CCDC18: variants seen among roughly 807,000 people sequenced by gnomAD.
The protein encoded by CCDC18 is coiled-coil domain containing 18, also known as coiled-coil domain-containing protein 18.
In CCDC18, 157 loss-of-function variants were observed where a neutral mutation model predicts 196.0. That is an observed-to-expected ratio of 0.80 (90% CI 0.70 to 0.91). CCDC18 has a LOEUF of 0.91. Ranked by LOEUF, CCDC18 falls within the 40% of genes least tolerant of loss-of-function variation. The probability of loss-of-function intolerance (pLI) is 0.00; values close to 1 mark genes in which losing one functional copy is unlikely to be tolerated. For synonymous variants in CCDC18, 482 were observed against 529.2 expected, an observed-to-expected ratio of 0.91 and a Z score of 1.22; for missense variants, 1,465 against 1,611.6, an observed-to-expected ratio of 0.91 and a Z score of 1.56.
At chr1:93,186,906 C>T (rs1051215763) in intron 4 of CCDC18, among the ~76,000 whole-genome samples, 2 of 151,924 alleles carry the variant, frequency 1.3e-5, no homozygotes, top group African/African-American at 4.8e-5. Context: ...CAGTTTAATA[C>T]GTAGTTGAAT....
intron 9 of CCDC18, among the ~76,000 whole-genome samples, chr1:93,207,881 C>T (rs760138340): frequency 6.6e-6 from 1 of 152,154 alleles, no homozygotes; most frequent in Non-Finnish European, 1.5e-5. Flanking sequence ...TAAATGAACT[C>T]GTATAATATG....
intron 27 of CCDC18, among the ~76,000 whole-genome samples, chr1:93,266,017 C>A (rs1212760584): frequency 6.6e-6 from 1 of 152,138 alleles, no homozygotes; most frequent in East Asian, 1.9e-4. Flanking sequence ...AATCACACTT[C>A]TGCCAAAATT....
In CCDC18 at chr1:93,191,039, A is replaced by T; in HGVS notation, c.463-961A>T. 2.2e-6 allele frequency: 2 copies of T among 889,200 alleles called. 1 individual carries two copies. 55.1% of individuals were successfully genotyped at this position (889,200 alleles called of 1,614,324 possible). The stretch of plus-strand genomic sequence containing the variant: ...CCACACTTCTTACAGAAAGTCCTGC[A>T]GGTTTTAGGAATGTTCACCATGTTT... On this transcript the variant is annotated intron_variant, in intron 4 of 28. Coordinates refer to ENST00000690025, the MANE Select transcript of CCDC18 (RefSeq NM_001378204.1).
In CCDC18 at chr1:93,214,806, G is replaced by C. The variant is rs765765332; in HGVS notation, c.1559G>C (p.Arg520Thr). 2 of 1,613,404 alleles carry C rather than the reference G, an allele frequency of 1.2e-6. No homozygotes were observed. The highest frequency in any genetic ancestry group is 4.5e-5 in the East Asian group (2 of 44,778). Residue 520 changes from arginine (R) to threonine (T), a missense_variant, in exon 12 of 29, where the codon AGA (arginine) becomes ACA (threonine). By Grantham distance (71) the Arg-to-Thr change is moderately conservative. Transcript: ENST00000690025. ...MNKQYEKERQ[R>T]LVTGIEELRT... is the part of the protein sequence containing the mutation. ...AAGCAATATGAAAAAGAGAGGCAAA[G>C]ACTTGTTACTGGAATAGAAGAACTA...
intron 4 of CCDC18, among the ~76,000 whole-genome samples, chr1:93,187,278 T>C (rs1038044778): frequency 1.1e-4 from 17 of 152,156 alleles, no homozygotes; most frequent in Admixed American, 9.8e-4. Context: ...TTATAAGGTT[T>C]AAATGATATA....
chr1:93,198,020 G>T (rs988698820), intron 6 of CCDC18, among the ~76,000 whole-genome samples: 1 of 151,688 alleles, frequency 6.6e-6, no homozygotes, highest in Non-Finnish European at 1.5e-5. Context: ...CAAAGTGCTG[G>T]GATTACAGGT....
At chr1:93,267,100 T>C (rs370461789) in intron 27 of CCDC18, among the ~76,000 whole-genome samples, 1 of 152,152 alleles carries the variant, frequency 6.6e-6, no homozygotes, top group African/African-American at 2.4e-5. Context: ...TCCACCACAA[T>C]TAAGTTGGCT....
At chr1:93,188,999 T>A (rs541794911) in intron 4 of CCDC18, among the ~76,000 whole-genome samples, 4 of 152,326 alleles carry the variant, frequency 2.6e-5, no homozygotes, top group African/African-American at 7.2e-5. Flanking sequence ...CTCTTAGTTA[T>A]TTTTAAATGT....
At chr1:93,251,575 TG>T (rs1211144338) in intron 23 of CCDC18, among the ~76,000 whole-genome samples, 111 of 152,282 alleles carry the variant, frequency 7.3e-4, no homozygotes, top group African/African-American at 2.5e-3. Context: ...AGGTTTTTTT[TG>T]TTCAACACTG....
chr1:93,240,850 C>G (rs184654153), intron 21 of CCDC18, among the ~76,000 whole-genome samples: 1 of 152,334 alleles, frequency 6.6e-6, no homozygotes, highest in African/African-American at 2.4e-5. Flanking sequence ...CTTCTCCTAA[C>G]TCAGTATCAT....
intron 21 of CCDC18, among the ~76,000 whole-genome samples, chr1:93,242,731 G>A (rs1277100480): frequency 6.6e-6 from 1 of 152,210 alleles, no homozygotes; most frequent in African/African-American, 2.4e-5. Flanking sequence ...TACAGACATT[G>A]GGTAAATACA....
chr1:93,272,584 AT>A (rs1665365195), intron 28 of CCDC18, among the ~76,000 whole-genome samples: 1 of 152,224 alleles, frequency 6.6e-6, no homozygotes, highest in Non-Finnish European at 1.5e-5. Flanking sequence ...GTGAAGGTTG[AT>A]TATTGACTAT....
chr1:93,207,787 A>G (rs1654946480), intron 9 of CCDC18, among the ~76,000 whole-genome samples: 1 of 152,156 alleles, frequency 6.6e-6, no homozygotes, highest in Admixed American at 6.5e-5. Flanking sequence ...CCCATTTATA[A>G]TTAGTCCCTG....
intron 28 of CCDC18, among the ~76,000 whole-genome samples, chr1:93,275,539 CTT>C (rs1480085787): frequency 4.6e-5 from 7 of 152,110 alleles, no homozygotes; most frequent in Non-Finnish European, 8.8e-5. Context: ...TTTTAAAACT[CTT>C]TTAAACCAAA....
intron 12 of CCDC18, among the ~76,000 whole-genome samples, chr1:93,215,455 C>CTTTTTTTTTTT (rs60117060): frequency 2.1e-5 from 3 of 139,912 alleles, no homozygotes; most frequent in Admixed American, 7.2e-5. Context: ...TTTTCTTTTT[C>CTTTTTTTTTTT]TTTTTTTTTT....
chr1:93,260,859 A>G (rs538684500), intron 26 of CCDC18, among the ~76,000 whole-genome samples: 13 of 152,286 alleles, frequency 8.5e-5, no homozygotes, highest in Admixed American at 2.6e-4. Context: ...ATGAGTGAGA[A>G]CATGCGGTGT....
chr1:93,194,554 G>T (rs1378584733), intron 6 of CCDC18, among the ~76,000 whole-genome samples: 9 of 151,860 alleles, frequency 5.9e-5, no homozygotes, highest in Admixed American at 4.6e-4. Context: ...GAAATCTCAG[G>T]TTTTTTTCAT....
intron 5 of CCDC18, among the ~76,000 whole-genome samples, chr1:93,193,310 T>G (rs1432983221): frequency 6.6e-6 from 1 of 152,144 alleles, no homozygotes; most frequent in African/African-American, 2.4e-5. Flanking sequence ...TTGTTGGATG[T>G]GGGGGTGATA....
At chr1:93,185,128 A>G (rs1215997621) in intron 3 of CCDC18, among the ~76,000 whole-genome samples, 7 of 151,972 alleles carry the variant, frequency 4.6e-5, no homozygotes, top group African/African-American at 7.2e-5. Context: ...AAGGTGTCCA[A>G]TTTCACTCAT....
Sources: allele counts gnomAD v4.1 joint callset (sites outside exome capture counted in the v4.1 genomes callset), GRCh38; gene constraint gnomAD v4.1.1; transcripts MANE v1.5; gene names NCBI Gene and HGNC (gene_info 2026-07-23, HGNC 2026-07-21).